Variants in MRAS observed in about 807,000 individuals in gnomAD.
MRAS encodes ras-related protein M-Ras.
A neutral mutation model predicts 20.9 loss-of-function variants in MRAS; 4 were observed. The observed-to-expected ratio is 0.19, with a 90% confidence interval of 0.09 to 0.44. MRAS has a LOEUF of 0.44. Among genes scored for constraint, MRAS ranks in the 20% least tolerant of loss-of-function variants. The probability of loss-of-function intolerance (pLI) is 0.99; values close to 1 mark genes in which losing one functional copy is unlikely to be tolerated. For missense variants in MRAS, 154 were observed against 277.5 expected, an observed-to-expected ratio of 0.56 and a Z score of 3.16; for synonymous variants, 98 against 102.9, an observed-to-expected ratio of 0.95 and a Z score of 0.29.
At chr3:138,399,390 C>T (rs1313349088) in intron 4 of MRAS, among the ~76,000 whole-genome samples, 2 of 152,200 alleles carry the variant, frequency 1.3e-5, no homozygotes, top group Admixed American at 1.3e-4. Context: ...TAAGCTCTGC[C>T]TTTTGTGCTC....
chr3:138,389,684 G>C (rs73227595), intron 2 of MRAS, among the ~76,000 whole-genome samples: 4,331 of 151,854 alleles, frequency 0.029, 92 homozygotes, highest in Non-Finnish European at 0.042. Context: ...CTGGTGCATG[G>C]CCTTTAGTGG....
chr3:138,372,795 G>C, intron 1 of MRAS, 71 bp from the exon 2 acceptor site: 1 of 1,142,810 alleles, frequency 8.8e-7, no homozygotes, highest in East Asian at 2.9e-5. Flanking sequence ...TATAAAGGAG[G>C]AAAACATATG....
intron 1 of MRAS, among the ~76,000 whole-genome samples, chr3:138,364,783 G>T (rs2054527233): frequency 6.6e-6 from 1 of 152,210 alleles, no homozygotes; most frequent in Non-Finnish European, 1.5e-5. Context: ...GGGGTGCTGG[G>T]GTGGGAAGTG....
intron 2 of MRAS, among the ~76,000 whole-genome samples, chr3:138,393,476 A>T (rs2055171341): frequency 6.6e-6 from 1 of 152,168 alleles, no homozygotes; most frequent in South Asian, 2.1e-4. Context: ...TCTTCCAGAA[A>T]GCCTGGGTGA....
At chr3:138,386,735 G>A (rs759787436) in intron 2 of MRAS, among the ~76,000 whole-genome samples, 2 of 152,098 alleles carry the variant, frequency 1.3e-5, no homozygotes, top group Non-Finnish European at 2.9e-5. Context: ...TGCCCGCCTC[G>A]GCCTCCCAAA....
intron 1 of MRAS, among the ~76,000 whole-genome samples, chr3:138,370,981 C>T (rs545668021): frequency 4.4e-4 from 67 of 152,182 alleles, no homozygotes; most frequent in South Asian, 1.2e-3. Context: ...TAAATGACTG[C>T]ATAGTACTCC....
At chr3:138,375,818 T>C (rs1206042595) in intron 2 of MRAS, among the ~76,000 whole-genome samples, 1 of 151,992 alleles carries the variant, frequency 6.6e-6, no homozygotes, top group African/African-American at 2.4e-5. Context: ...GCTCAGGAGT[T>C]TGAGACTTGC....
In MRAS at chr3:138,402,225, G is replaced by C; in HGVS notation, c.583G>C (p.Asp195His). ...GAAGAAGAAAACCAAATGGCGGGGA[G>C]ACCGGGCCACAGGCACCCACAAACT... The part of the protein sequence containing the change: ...KKKKKTKWRG[D>H]RATGTHKLQC... The change falls in exon 6 of 6, where the codon GAC (aspartate) becomes CAC (histidine). Residue 195 changes from aspartate (D) to histidine (H), a missense_variant. Physicochemically the swap from Asp to His is moderately conservative, Grantham distance 81. Coordinates refer to ENST00000423968, the MANE Select transcript of MRAS (RefSeq NM_001085049.3). 1 of 1,614,248 alleles carries C rather than the reference G, an allele frequency of 6.2e-7. No individual in the cohort carries two copies. Among genetic ancestry groups the C allele is most frequent in the Non-Finnish European group, 8.5e-7 (1 of 1,180,040 alleles).
intron 2 of MRAS, among the ~76,000 whole-genome samples, chr3:138,390,065 G>A (rs935620547): frequency 4.8e-5 from 7 of 146,890 alleles, no homozygotes; most frequent in Non-Finnish European, 1.1e-4. Flanking sequence ...AAGGGGGAGA[G>A]GTGAGGGGGA....
In MRAS at chr3:138,402,430, T is replaced by C. The variant is rs553695732; in HGVS notation, c.*161T>C. On this transcript the variant is annotated 3_prime_UTR_variant, in exon 6 of 6. Transcript: ENST00000423968. ...GGGCAGGGAGCAGACAGGGTCTGGC[T>C]TTGCCCAGAGGGCACGGGCTTTCCC... The C allele has an allele frequency of 6.0e-6, 4 of 662,276 alleles. No homozygotes were observed. The Admixed American group carries it at 1.3e-4, about 22-fold the overall frequency. The allele number at this position is 662,276 out of a possible 1,614,324, so 41.0% of individuals were successfully genotyped here.
rs187097174 is a variant in MRAS at position 138,378,962 on chromosome 3, G to A, written c.193+5886G>A. ...TATCATATTCATACATATTTTGAGG[G>A]CATGGTAATGATCAAATCCAGGTAA... is the stretch of plus-strand genomic sequence containing the variant. On this transcript the variant is annotated intron_variant, in intron 2 of 5. Coordinates refer to ENST00000423968, the MANE Select transcript of MRAS (RefSeq NM_001085049.3). 3.9e-5 allele frequency among the ~76,000 whole-genome samples: 6 copies of A among 151,968 alleles called. No individual in the cohort carries two copies. The East Asian group carries it at 9.7e-4, about 25-fold the overall frequency.
intron 2 of MRAS, among the ~76,000 whole-genome samples, chr3:138,391,441 T>C (rs2055130490): frequency 6.6e-6 from 1 of 152,190 alleles, no homozygotes; most frequent in Admixed American, 6.5e-5. Flanking sequence ...ACAGTACAGG[T>C]TGAGCATCTG....
chr3:138,373,301 G>A (rs1576359623), intron 2 of MRAS, among the ~76,000 whole-genome samples: 1 of 152,304 alleles, frequency 6.6e-6, no homozygotes, highest in Non-Finnish European at 1.5e-5. Flanking sequence ...AGCAAAGAGG[G>A]GAGGCTAGAA....
chr3:138,362,794 C>T lies in MRAS; in HGVS notation c.-18-10072C>T, dbSNP rs931419203. ...CAGCCACTGTGTGGCAGGCACCGTG[C>T]GTGGTATAGGGATACAAAGATGAAG... On this transcript the variant is annotated intron_variant, in intron 1 of 5. Transcript: ENST00000423968. 7.9e-5 allele frequency among the ~76,000 whole-genome samples: 12 copies of T among 152,056 alleles called. No homozygotes were observed. In the East Asian group the frequency reaches 1.4e-3, roughly 17 times the overall value.
intron 1 of MRAS, among the ~76,000 whole-genome samples, chr3:138,355,486 C>T (rs1158697496): frequency 6.6e-6 from 1 of 151,900 alleles, no homozygotes; most frequent in Non-Finnish European, 1.5e-5. Context: ...GCTTTCTTAT[C>T]CAGGGCAGAT....
At chr3:138,370,916 T>C (rs2054661763) in intron 1 of MRAS, among the ~76,000 whole-genome samples, 1 of 152,224 alleles carries the variant, frequency 6.6e-6, no homozygotes, top group Non-Finnish European at 1.5e-5. Context: ...TTGCAGCCTG[T>C]CTTTTTTTCA....
intron 2 of MRAS, among the ~76,000 whole-genome samples, chr3:138,376,845 G>A (rs371424342): frequency 1.3e-5 from 2 of 152,252 alleles, no homozygotes; most frequent in African/African-American, 2.4e-5. Context: ...TTTTTTGCAC[G>A]TGATTCTGAA....
At chr3:138,392,836 G>T (rs2055159912) in intron 2 of MRAS, among the ~76,000 whole-genome samples, 1 of 152,192 alleles carries the variant, frequency 6.6e-6, no homozygotes, top group African/African-American at 2.4e-5. Flanking sequence ...ATGAGTCATA[G>T]ATTTATTTCA....
intron 1 of MRAS, among the ~76,000 whole-genome samples, chr3:138,351,609 G>T (rs1227023214): frequency 6.6e-6 from 1 of 152,180 alleles, no homozygotes; most frequent in Non-Finnish European, 1.5e-5. Context: ...CAATGGGGAT[G>T]CTTTGGCTGC....
Sources: gnomAD v4.1 joint callset for allele counts (sites outside exome capture counted in the v4.1 genomes callset) on GRCh38, gnomAD v4.1.1 for gene constraint, MANE v1.5 for transcripts, NCBI Gene and HGNC (gene_info 2026-07-23, HGNC 2026-07-21) for gene names.